Variants in LDB3 observed in about 807,000 individuals in gnomAD.
The protein encoded by LDB3 is LIM domain-binding protein 3.
LDB3 carries 49 observed loss-of-function variants against 69.0 expected under a neutral mutation model. The observed-to-expected ratio is 0.71, with a 90% CI of 0.56 to 0.90. The LOEUF (loss-of-function observed/expected upper bound fraction) is 0.90, where lower values mean the gene tolerates loss of function less well. LDB3 is among the 40% of genes least tolerant of loss of function. The pLI is 0.00. For synonymous variants in LDB3, 387 were observed against 396.2 expected (o/e 0.98, Z 0.28); for missense variants, 928 against 974.1 (o/e 0.95, Z 0.63).
intron 5 of LDB3, among the ~76,000 whole-genome samples, chr10:86,691,105 C>T (rs534550433): frequency 6.6e-6 from 1 of 152,312 alleles, no homozygotes; most frequent in Admixed American, 6.5e-5. Flanking sequence ...GGCTGGGAGG[C>T]ACTGGACCCG....
chr10:86,673,540 G>C (rs1564629295), intron 2 of LDB3, among the ~76,000 whole-genome samples: 1 of 152,094 alleles, frequency 6.6e-6, no homozygotes, highest in Admixed American at 6.5e-5. Flanking sequence ...CGGCCAGGGT[G>C]GAGTTGGGGA....
At chr10:86,706,145 T>A (rs2132457210) in intron 7 of LDB3, among the ~76,000 whole-genome samples, 1 of 152,004 alleles carries the variant, frequency 6.6e-6, no homozygotes, top group Admixed American at 6.6e-5. Flanking sequence ...GCCCCCTGAC[T>A]GAATGGGGAA....
chr10:86,712,270 T>A (rs914187610), intron 9 of LDB3, among the ~76,000 whole-genome samples: 1 of 152,058 alleles, frequency 6.6e-6, no homozygotes, highest in Non-Finnish European at 1.5e-5. Flanking sequence ...ACCTCTGTGT[T>A]GTGGGGGCTG....
At chr10:86,731,647 T>C (rs1427236233) in intron 13 of LDB3, among the ~76,000 whole-genome samples, 5 of 152,210 alleles carry the variant, frequency 3.3e-5, no homozygotes, top group Non-Finnish European at 4.4e-5. Flanking sequence ...GTTGTTTTGT[T>C]GTTCTGCAGA....
chr10:86,670,186 C>T (rs1844383894), intron 2 of LDB3, among the ~76,000 whole-genome samples: 2 of 152,164 alleles, frequency 1.3e-5, no homozygotes, highest in Non-Finnish European at 2.9e-5. Context: ...CTCCATCCTT[C>T]AGTTGCAGAT....
In LDB3 at chr10:86,735,014, C is replaced by A. The variant is rs947195108; in HGVS notation, c.*2038C>A. 6.7e-6 allele frequency: 1 copy of A among 148,372 alleles called. No individual in the cohort carries two copies. Among genetic ancestry groups the A allele is most frequent in the African/African-American group, 2.5e-5 (1 of 40,238 alleles). The allele number at this position is 148,372 out of a possible 1,614,324, so 9.2% of individuals were successfully genotyped here. A position where few individuals can be genotyped will look rare whatever the true frequency, so the allele number is the denominator to read the frequency against. On this transcript the variant is annotated 3_prime_UTR_variant, in exon 14 of 14. Coordinates refer to ENST00000361373, the MANE Select transcript of LDB3 (RefSeq NM_007078.3). ...GGAAGGAAAAAAAAAAAAAAACGTT[C>A]CCAGAATTCAGTTTCCAAAATCTCT...
At chr10:86,673,981 G>A (rs1844627222) in intron 2 of LDB3, among the ~76,000 whole-genome samples, 2 of 152,146 alleles carry the variant, frequency 1.3e-5, no homozygotes, top group Admixed American at 6.5e-5. Flanking sequence ...CTGGGCCTTG[G>A]ACAGAAGTTT....
At chr10:86,725,678 A>T (rs1243987201) in intron 12 of LDB3, among the ~76,000 whole-genome samples, 1 of 152,220 alleles carries the variant, frequency 6.6e-6, no homozygotes, top group Non-Finnish European at 1.5e-5. Flanking sequence ...TATAGTAGTA[A>T]AAACTTGTTG....
chr10:86,706,482 G>A, intron 7 of LDB3, 49 bp from the exon 8 acceptor site: 1 of 1,599,882 alleles, frequency 6.3e-7, no homozygotes, highest in South Asian at 1.1e-5. Context: ...GGCCTCACAG[G>A]GTCTCTAGGC....
At position 86,714,553 on chromosome 10, in the gene LDB3, CTTTTTTT is replaced by C. The variant is rs11306108; in HGVS notation, c.1232-1760_1232-1754del. ...AGATTCCTTATGGAGAAGGTATTAT[CTTTTTTT>C]TTTTTTTTTTTTTGAGATGGAGTCT... On this transcript the variant is annotated intron_variant, in intron 9 of 13. Coordinates refer to ENST00000361373, the MANE Select transcript of LDB3 (RefSeq NM_007078.3). 3.2e-5 allele frequency among the ~76,000 whole-genome samples: 4 copies of C among 124,166 alleles called. 1 individual carries two copies. In the South Asian group the frequency reaches 8.0e-4, roughly 25 times the overall value. The allele number at this position is 124,166 out of a possible 152,430, so 81.5% of individuals were successfully genotyped here.
rs2132483146 is a variant in LDB3, at chr10:86,716,790, C to T, written c.1676+19C>T. 9.4e-6 allele frequency: 15 copies of T among 1,590,480 alleles called. No homozygotes were observed. The highest frequency in any genetic ancestry group is 1.2e-5 in the Non-Finnish European group (14 of 1,169,026). On this transcript the variant is annotated intron_variant, in intron 10 of 13. Coordinates refer to ENST00000361373, the MANE Select transcript of LDB3 (RefSeq NM_007078.3). ...TCATCCGGTATGGTCCAGCTGTGCC[C>T]CTGCACTGGGGCACTGGAAGGGCGT...
chr10:86,680,111 C>G lies in LDB3; in HGVS notation c.275C>G (p.Thr92Arg). The change falls in exon 4 of 14, where the codon ACA (threonine) becomes AGA (arginine). Residue 92 changes from threonine to arginine, a missense_variant. By Grantham distance (71) the Thr-to-Arg change is moderately conservative. Coordinates refer to ENST00000361373, the MANE Select transcript of LDB3 (RefSeq NM_007078.3). ...KSKRPIPISTTAPPVQTPLPV... is the reference protein window; with the variant it reads ...KSKRPIPISTRAPPVQTPLPV... ...AAGCGTCCCATTCCCATCTCCACGA[C>G]AGCACCTCCAGTCCAGACCCCTCTG... The G allele has an allele frequency of 6.2e-7, 1 of 1,614,218 alleles. No homozygotes were observed. The highest frequency in any genetic ancestry group is 8.5e-7 in the Non-Finnish European group (1 of 1,180,016).
At chr10:86,729,434 C>G (rs1847381745) in intron 13 of LDB3, among the ~76,000 whole-genome samples, 1 of 152,200 alleles carries the variant, frequency 6.6e-6, no homozygotes, top group Non-Finnish European at 1.5e-5. Flanking sequence ...CTTGCCCTTC[C>G]CCACTGGTGT....
At position 86,716,386 on chromosome 10, in the gene LDB3, C is replaced by G. The variant is rs1846870469; in HGVS notation, c.1291C>G (p.Pro431Ala). The G allele has an allele frequency of 6.3e-7, 1 of 1,599,464 alleles. No individual in the cohort carries two copies. The highest frequency in any genetic ancestry group is 8.5e-7 in the Non-Finnish European group (1 of 1,175,196). The change falls in exon 10 of 14, where the codon CCC becomes GCC. Residue 431 changes from proline to alanine, a missense_variant. Coordinates refer to ENST00000361373, the MANE Select transcript of LDB3 (RefSeq NM_007078.3). ...GANYSPTPYT[P>A]SPAPAYTPSP... Reference sequence around the variant, plus strand: ...CAATTACAGTCCCACTCCCTACACCCCCTCCCCTGCCCCTGCCTACACCCC... The same window carrying G: ...CAATTACAGTCCCACTCCCTACACCGCCTCCCCTGCCCCTGCCTACACCCC...
intron 7 of LDB3, among the ~76,000 whole-genome samples, chr10:86,700,326 C>G (rs1589657703): frequency 6.6e-6 from 1 of 152,148 alleles, no homozygotes; most frequent in Non-Finnish European, 1.5e-5. Flanking sequence ...TGGGAATACT[C>G]GAATGCCCCC....
At position 86,699,263 on chromosome 10, in the gene LDB3, C is replaced by A; in HGVS notation, c.896+6692C>A. ...TTTCTCTCTCTCTCTCTCTCTCTCT[C>A]TCTCTGTGCCACAGGGAAAGGTTTG... On this transcript the variant is annotated intron_variant, in intron 7 of 13. Transcript: ENST00000361373. The surrounding 1 kb of genome is among the most constrained non-coding windows in gnomAD (Gnocchi z 4.9). 6.4e-7 allele frequency: 1 copy of A among 1,556,990 alleles called. No homozygotes were observed. The highest frequency in any genetic ancestry group is 8.8e-7 in the Non-Finnish European group (1 of 1,140,036).
chr10:86,707,510 C>A (rs1327838452), intron 8 of LDB3, among the ~76,000 whole-genome samples: 1 of 152,112 alleles, frequency 6.6e-6, no homozygotes, highest in Non-Finnish European at 1.5e-5. Context: ...AGAGGCCAGG[C>A]TGACAGGTCA....
intron 2 of LDB3, among the ~76,000 whole-genome samples, chr10:86,669,123 G>A (rs1844319765): frequency 6.6e-6 from 1 of 152,204 alleles, no homozygotes. Flanking sequence ...TGGGCTCAGG[G>A]TGCCCCCAAG....
At chr10:86,675,119 C>A (rs768136965) in intron 2 of LDB3, among the ~76,000 whole-genome samples, 1 of 152,192 alleles carries the variant, frequency 6.6e-6, no homozygotes, top group East Asian at 1.9e-4. Flanking sequence ...CAGCCACTTC[C>A]CTCTGGTCAG....
Sources: allele counts gnomAD v4.1 joint callset (sites outside exome capture counted in the v4.1 genomes callset), GRCh38; gene constraint gnomAD v4.1.1; non-coding constraint Gnocchi (gnomAD v3.1); transcripts MANE v1.5; gene names NCBI Gene and HGNC (gene_info 2026-07-23, HGNC 2026-07-21).